Variants in CSGALNACT1 observed in about 807,000 individuals in gnomAD.
CSGALNACT1 encodes the protein beta4GalNAcT-1.
Under a neutral mutation model 51.0 loss-of-function variants are expected in CSGALNACT1, and 52 were observed. The observed-to-expected ratio is 1.02, with a 90% confidence interval of 0.82 to 1.29. CSGALNACT1 has a LOEUF of 1.29. CSGALNACT1 is among the 50% of genes most tolerant of loss of function. The pLI is 0.00. For missense variants in CSGALNACT1, 935 were observed against 679.2 expected, an observed-to-expected ratio of 1.38 and a Z score of -4.19; for synonymous variants, 341 against 254.4, an observed-to-expected ratio of 1.34 and a Z score of -3.24.
At chr8:19,418,853 C>T (rs999648977) in intron 7 of CSGALNACT1, 103 bp from the exon 7 acceptor site, 3 of 773,222 alleles carry the variant, frequency 3.9e-6, no homozygotes, top group African/African-American at 1.7e-5. Flanking sequence ...TTTGCACCCA[C>T]TTTTTTTTTC....
intron 4 of CSGALNACT1, among the ~76,000 whole-genome samples, chr8:19,461,489 T>C (rs551133473): frequency 9.9e-5 from 15 of 151,502 alleles, no homozygotes; most frequent in African/African-American, 3.7e-4. Flanking sequence ...GGAGGGCCTA[T>C]CCGCACAGCA....
At chr8:19,511,497 A>C (rs1282755168) in intron 3 of CSGALNACT1, among the ~76,000 whole-genome samples, 1 of 152,218 alleles carries the variant, frequency 6.6e-6, no homozygotes, top group Non-Finnish European at 1.5e-5. Context: ...AGAGTTTTCA[A>C]ATGCTCTCAA....
intron 5 of CSGALNACT1, 84 bp downstream of exon 4, chr8:19,458,342 G>A (rs1350919258): frequency 3.6e-6 from 4 of 1,117,756 alleles, no homozygotes; most frequent in Admixed American, 1.7e-5. Context: ...CTCGGCAGGG[G>A]AAATGAAGGA....
intron 1 of CSGALNACT1, among the ~76,000 whole-genome samples, chr8:19,628,855 TG>T (rs2054819232): frequency 6.6e-6 from 1 of 151,574 alleles, no homozygotes; most frequent in South Asian, 2.1e-4. Context: ...GTCAACAATA[TG>T]GGGGGAGGAA....
At chr8:19,590,441 T>C (rs2047562251) in intron 3 of CSGALNACT1, among the ~76,000 whole-genome samples, 1 of 152,170 alleles carries the variant, frequency 6.6e-6, no homozygotes, top group East Asian at 1.9e-4. Context: ...TGAATGCAAT[T>C]GCTGCACAAA....
chr8:19,448,845 C>A (rs1052433883), intron 5 of CSGALNACT1, among the ~76,000 whole-genome samples: 1 of 152,100 alleles, frequency 6.6e-6, no homozygotes, highest in African/African-American at 2.4e-5. Flanking sequence ...TGTAAAAGAC[C>A]TGATGTTCCC....
chr8:19,491,594 T>G (rs1267906010), intron 4 of CSGALNACT1, among the ~76,000 whole-genome samples: 1 of 152,258 alleles, frequency 6.6e-6, no homozygotes, highest in African/African-American at 2.4e-5. Context: ...AAACAGTTTT[T>G]TATTTGTATA....
rs1329734000 is a variant in CSGALNACT1, at chr8:19,757,136, C to A, written c.-297+714G>T. On this transcript the variant is annotated intron_variant, in intron 1 of 1. Transcript: ENST00000517494. This position sits in a 1 kb window ranked among gnomAD's most constrained non-coding sequence, Gnocchi z 4.0. Reference sequence around the variant, plus strand: ...GGGGATCTGCCGGCGCCACTGACGCCCCCGCGCGGCACACCGCGCCCGGCT... The same window carrying A: ...GGGGATCTGCCGGCGCCACTGACGCACCCGCGCGGCACACCGCGCCCGGCT... 6.7e-6 allele frequency: 1 copy of A among 149,858 alleles called. No individual in the cohort carries two copies. Among genetic ancestry groups the A allele is most frequent in the Non-Finnish European group, 1.5e-5 (1 of 67,100 alleles). The allele number at this position is 149,858 out of a possible 1,614,324, so 9.3% of individuals were successfully genotyped here.
At chr8:19,706,779 A>C (rs1468835846) in intron 1 of CSGALNACT1, among the ~76,000 whole-genome samples, 4 of 152,070 alleles carry the variant, frequency 2.6e-5, no homozygotes, top group Admixed American at 2.6e-4. Flanking sequence ...ATGCACCACC[A>C]TGCCTGGCTA....
intron 6 of CSGALNACT1, among the ~76,000 whole-genome samples, chr8:19,424,103 G>C (rs953504857): frequency 6.6e-5 from 10 of 152,144 alleles, no homozygotes; most frequent in African/African-American, 2.2e-4. Context: ...TGGCAGTATG[G>C]GTCCATGTTA....
At chr8:19,569,433 A>G (rs949823540) in intron 3 of CSGALNACT1, among the ~76,000 whole-genome samples, 1 of 152,184 alleles carries the variant, frequency 6.6e-6, no homozygotes, top group Non-Finnish European at 1.5e-5. Context: ...GTGATACAAT[A>G]AAGCTTTTTG....
chr8:19,584,394 TA>T (rs1423631669), intron 3 of CSGALNACT1, among the ~76,000 whole-genome samples: 1 of 151,570 alleles, frequency 6.6e-6, no homozygotes, highest in Non-Finnish European at 1.5e-5. Flanking sequence ...TGGGCTGAAA[TA>T]TTTTTTTTTG....
intron 1 of CSGALNACT1, among the ~76,000 whole-genome samples, chr8:19,619,930 A>C (rs2053599502): frequency 6.6e-6 from 1 of 152,170 alleles, no homozygotes; most frequent in Non-Finnish European, 1.5e-5. Context: ...GACGCTGGGC[A>C]AATTATCCTT....
intron 1 of CSGALNACT1, among the ~76,000 whole-genome samples, chr8:19,655,756 G>T (rs2058216634): frequency 6.6e-6 from 1 of 152,038 alleles, no homozygotes; most frequent in Admixed American, 6.6e-5. Context: ...TTTGTGAAAA[G>T]TGAAAAATTT....
chr8:19,663,047 G>T (rs921630953), intron 1 of CSGALNACT1, among the ~76,000 whole-genome samples: 4 of 152,196 alleles, frequency 2.6e-5, no homozygotes, highest in African/African-American at 9.7e-5. Flanking sequence ...AAAGAACAAT[G>T]CAGGATGCTC....
chr8:19,442,652 T>C (rs1487590999), intron 5 of CSGALNACT1, among the ~76,000 whole-genome samples: 6 of 150,290 alleles, frequency 4.0e-5, no homozygotes, highest in African/African-American at 1.5e-4. Flanking sequence ...CACACCAACA[T>C]GGCACATGTA....
chr8:19,557,247 C>T (rs2039672398), intron 3 of CSGALNACT1, among the ~76,000 whole-genome samples: 1 of 152,206 alleles, frequency 6.6e-6, no homozygotes, highest in South Asian at 2.1e-4. Context: ...CCTGTCTACC[C>T]ATAATTCCCT....
intron 3 of CSGALNACT1, among the ~76,000 whole-genome samples, chr8:19,542,911 C>T (rs1388319423): frequency 1.3e-5 from 2 of 152,008 alleles, no homozygotes; most frequent in Admixed American, 6.6e-5. Flanking sequence ...CTGATAAATT[C>T]ATTTGGGTTT....
intron 3 of CSGALNACT1, among the ~76,000 whole-genome samples, chr8:19,514,475 C>CTATATATATATATA (rs33928915): frequency 0.013 from 994 of 78,474 alleles, 89 homozygotes; most frequent in African/African-American, 0.017. Context: ...TGAACAGAGA[C>CTATATATATATATA]TATATATATA....
Sources: gnomAD v4.1 joint callset for allele counts (sites outside exome capture counted in the v4.1 genomes callset) on GRCh38, gnomAD v4.1.1 for gene constraint, Gnocchi (gnomAD v3.1) non-coding constraint, MANE v1.5 for transcripts, NCBI Gene and HGNC (gene_info 2026-07-23, HGNC 2026-07-21) for gene names.